The following RAPGEF5 variants were observed in gnomAD, a reference collection of about 807,000 sequenced individuals.
The protein encoded by RAPGEF5 is M-Ras-regulated GEF.
A neutral mutation model predicts 125.2 loss-of-function variants in RAPGEF5; 65 were observed. The ratio of observed to expected loss-of-function variants is 0.52; its 90% confidence interval spans 0.43 to 0.64. The LOEUF (loss-of-function observed/expected upper bound fraction) is 0.64, where lower values mean the gene tolerates loss of function less well. Ranked by LOEUF, RAPGEF5 falls within the 30% of genes least tolerant of loss-of-function variation. The pLI, the probability that RAPGEF5 is intolerant of heterozygous loss-of-function variation, is 0.00. For synonymous variants in RAPGEF5, 391 were observed against 385.9 expected (o/e 1.01, Z -0.16); for missense variants, 958 against 1,048.1 (o/e 0.91, Z 1.19).
At chr7:22,230,806 A>G in intron 8 of RAPGEF5, 40 bp downstream of exon 8, 1 of 1,517,836 alleles carries the variant, frequency 6.6e-7, no homozygotes, top group Non-Finnish European at 9.0e-7. Flanking sequence ...CCCTCAACAC[A>G]GAAGGGTATG....
intron 1 of RAPGEF5, among the ~76,000 whole-genome samples, chr7:22,327,648 T>C (rs1338376065): frequency 2.0e-5 from 3 of 152,258 alleles, no homozygotes; most frequent in Non-Finnish European, 4.4e-5. Flanking sequence ...CACTTAAAAG[T>C]TGTGTCCTTG....
intron 1 of RAPGEF5, among the ~76,000 whole-genome samples, chr7:22,338,723 A>G (rs1583589624): frequency 6.6e-6 from 1 of 152,216 alleles, no homozygotes; most frequent in East Asian, 1.9e-4. Context: ...TTAAAAGCCC[A>G]TGTGCAATTC....
At chr7:22,209,748 G>A (rs1271131071) in intron 9 of RAPGEF5, among the ~76,000 whole-genome samples, 7 of 152,216 alleles carry the variant, frequency 4.6e-5, no homozygotes, top group Middle Eastern at 3.4e-3. Flanking sequence ...CAAGGGTCAC[G>A]TCGATCAGCC....
At chr7:22,306,764 C>T (rs1461382181) in intron 5 of RAPGEF5, among the ~76,000 whole-genome samples, 1 of 152,130 alleles carries the variant, frequency 6.6e-6, no homozygotes, top group Non-Finnish European at 1.5e-5. Context: ...TTTCATTCTT[C>T]TGCATGTGGA....
chr7:22,170,987 T>C (rs912560274), intron 11 of RAPGEF5, among the ~76,000 whole-genome samples: 1 of 152,042 alleles, frequency 6.6e-6, no homozygotes, highest in Non-Finnish European at 1.5e-5. Flanking sequence ...AATTTTTCTA[T>C]ACAAAGAGCT....
At chr7:22,155,171 A>G (rs1371591378) in intron 16 of RAPGEF5, among the ~76,000 whole-genome samples, 1 of 152,174 alleles carries the variant, frequency 6.6e-6, no homozygotes, top group Non-Finnish European at 1.5e-5. Flanking sequence ...TCATTTAAGA[A>G]TGACTCCATT....
chr7:22,128,792 G>A (rs555868690), intron 24 of RAPGEF5, among the ~76,000 whole-genome samples: 5 of 152,282 alleles, frequency 3.3e-5, no homozygotes, highest in South Asian at 4.1e-4. Context: ...CCTGCCTGAC[G>A]GGCTTGCGTG....
At chr7:22,186,604 C>G (rs1449999933) in intron 11 of RAPGEF5, among the ~76,000 whole-genome samples, 2 of 151,984 alleles carry the variant, frequency 1.3e-5, no homozygotes, top group Non-Finnish European at 2.9e-5. Context: ...ATTTTGTATC[C>G]CTGGCATTTA....
At chr7:22,246,494 A>C (rs2128137250) in intron 7 of RAPGEF5, among the ~76,000 whole-genome samples, 1 of 152,326 alleles carries the variant, frequency 6.6e-6, no homozygotes, top group East Asian at 1.9e-4. Context: ...TCCCTATTCA[A>C]TGAATGGTGC....
chr7:22,231,395 G>A (rs2128134626), intron 7 of RAPGEF5, among the ~76,000 whole-genome samples: 2 of 152,188 alleles, frequency 1.3e-5, no homozygotes, highest in Admixed American at 1.3e-4. Flanking sequence ...TCTTGAATCC[G>A]TATATCCCTT....
At chr7:22,131,217 C>T in intron 23 of RAPGEF5, 116 bp from the exon 24 acceptor site, 1 of 1,299,992 alleles carries the variant, frequency 7.7e-7, no homozygotes, top group Non-Finnish European at 1.0e-6. Flanking sequence ...ATGGATCATT[C>T]CATGCACTTG....
intron 1 of RAPGEF5, among the ~76,000 whole-genome samples, chr7:22,319,249 T>C (rs1283508917): frequency 6.6e-6 from 1 of 152,204 alleles, no homozygotes; most frequent in African/African-American, 2.4e-5. Context: ...TCTTTTGAGA[T>C]CCTATAGTTT....
intron 7 of RAPGEF5, among the ~76,000 whole-genome samples, chr7:22,236,992 C>A (rs1786208248): frequency 1.3e-5 from 2 of 152,226 alleles, no homozygotes. Context: ...CTTGGACCCT[C>A]TCCCCAGGTG....
chr7:22,302,320 G>A (rs1783227460), intron 5 of RAPGEF5, among the ~76,000 whole-genome samples: 1 of 152,108 alleles, frequency 6.6e-6, no homozygotes, highest in Non-Finnish European at 1.5e-5. Flanking sequence ...AAGCCATGTG[G>A]CTGAACAGGG....
chr7:22,122,360 C>T lies in RAPGEF5; in HGVS notation c.*46G>A, dbSNP rs748874564. 6.2e-6 allele frequency: 9 copies of T among 1,457,048 alleles called. No individual in the cohort carries two copies. The highest frequency in any genetic ancestry group is 1.7e-5 in the Admixed American group (1 of 59,038). The allele number at this position is 1,457,048 out of a possible 1,614,324, so 90.3% of individuals were successfully genotyped here. ...GCAACGTGCTTGGCATAGACATTCC[C>T]GTAGCTCAAAGTGCTGCAGATACAG... On this transcript the variant is annotated 3_prime_UTR_variant, in exon 26 of 26. Transcript: ENST00000665637.
chr7:22,265,398 T>C (rs1400907138), intron 7 of RAPGEF5, among the ~76,000 whole-genome samples: 1 of 152,318 alleles, frequency 6.6e-6, no homozygotes. Context: ...TAACATAATG[T>C]CCTCCAGGCT....
At chr7:22,253,090 T>TA (rs1396728559) in intron 7 of RAPGEF5, among the ~76,000 whole-genome samples, 3 of 152,126 alleles carry the variant, frequency 2.0e-5, no homozygotes, top group Non-Finnish European at 4.4e-5. Flanking sequence ...CTGGAAATGT[T>TA]AGAACAATGA....
intron 11 of RAPGEF5, among the ~76,000 whole-genome samples, chr7:22,172,484 G>A (rs1323830153): frequency 6.6e-6 from 1 of 151,996 alleles, no homozygotes; most frequent in Non-Finnish European, 1.5e-5. Flanking sequence ...TTATTTGAAT[G>A]TATTTCTCTT....
intron 7 of RAPGEF5, among the ~76,000 whole-genome samples, chr7:22,255,445 T>C: frequency 6.6e-6 from 1 of 151,686 alleles, no homozygotes; most frequent in Non-Finnish European, 1.5e-5. Flanking sequence ...AATTAAAAAT[T>C]ATCTGGGCAT....
Sources: allele counts gnomAD v4.1 joint callset (sites outside exome capture counted in the v4.1 genomes callset), GRCh38; gene constraint gnomAD v4.1.1; transcripts MANE v1.5; gene names NCBI Gene and HGNC (gene_info 2026-07-23, HGNC 2026-07-21).